Variants in FSTL1 observed in about 807,000 individuals in gnomAD.
The protein encoded by FSTL1 is follistatin-related protein 1.
In FSTL1, 24 loss-of-function variants were observed where a neutral mutation model predicts 45.9. The observed-to-expected ratio is 0.52, with a 90% CI of 0.38 to 0.74. The LOEUF is 0.74. Among genes scored for constraint, FSTL1 ranks in the 30% least tolerant of loss-of-function variants. The probability of loss-of-function intolerance (pLI) is 0.00; values close to 1 mark genes in which losing one functional copy is unlikely to be tolerated. For missense variants in FSTL1, 340 were observed against 381.8 expected (o/e 0.89, Z 0.91); for synonymous variants, 120 against 137.6 (o/e 0.87, Z 0.89).
At position 120,409,781 on chromosome 3, in the gene FSTL1, A is replaced by G. The variant is rs559709818; in HGVS notation, c.332-119T>C. ...TCTGCATATGTCATCCCAGCAACAC[A>G]GGGAGATAGGATTAGCACATCCAGG... On this transcript the variant is annotated intron_variant, in intron 5 of 10. Coordinates refer to ENST00000295633, the MANE Select transcript of FSTL1 (RefSeq NM_007085.5). 11 of 834,242 alleles carry G rather than the reference A, an allele frequency of 1.3e-5. No homozygotes were observed. In the East Asian group the frequency reaches 2.9e-4, roughly 22 times the overall value. 51.7% of individuals were successfully genotyped at this position (834,242 alleles called of 1,614,324 possible).
chr3:120,447,859 C>G (rs1485047068), intron 2 of FSTL1, among the ~76,000 whole-genome samples: 1 of 152,168 alleles, frequency 6.6e-6, no homozygotes, highest in Non-Finnish European at 1.5e-5. Flanking sequence ...CGATGTTGCC[C>G]AGGCTGGTCT....
intron 7 of FSTL1, among the ~76,000 whole-genome samples, chr3:120,403,889 C>G (rs1270153720): frequency 7.1e-6 from 1 of 140,318 alleles, no homozygotes; most frequent in Non-Finnish European, 1.5e-5. Flanking sequence ...CCACTGCACT[C>G]CAGCCTGGGC....
chr3:120,412,042 CACACACACATACATGCACACA>C (rs1937065477), intron 3 of FSTL1, 59 bp from the exon 4 acceptor site: 1 of 710,078 alleles, frequency 1.4e-6, no homozygotes, highest in African/African-American at 1.6e-5. Context: ...CACAGACACA[CACACACACATACATGCACACA>C]CACACACAGA....
chr3:120,398,973 CAAT>C (rs1249972200), intron 10 of FSTL1, among the ~76,000 whole-genome samples: 3 of 152,142 alleles, frequency 2.0e-5, no homozygotes, highest in African/African-American at 4.8e-5. Flanking sequence ...CTATCAGTGA[CAAT>C]GATGACAAAA....
chr3:120,404,765 C>G (rs1178676583), intron 7 of FSTL1, 88 bp downstream of exon 7: 1 of 758,682 alleles, frequency 1.3e-6, no homozygotes, highest in African/African-American at 1.7e-5. Flanking sequence ...TCACTGGTGG[C>G]TCTTTTGCAG....
rs905349804 is a variant in FSTL1 at position 120,394,293 on chromosome 3, T to G, written c.*2659A>C. The G allele has an allele frequency of 6.6e-6, 1 of 152,238 alleles. No homozygotes were observed. Among genetic ancestry groups the G allele is most frequent in the Non-Finnish European group, 1.5e-5 (1 of 68,046 alleles). 9.4% of individuals were successfully genotyped at this position (152,238 alleles called of 1,614,324 possible). A position where few individuals can be genotyped will look rare whatever the true frequency, so the allele number is the denominator to read the frequency against. ...CAATAAAACCATCACTTTAATTTCTTTATTCATCAATAGTATCCGAAAAGG... is the reference window on the plus strand; with the variant it reads ...CAATAAAACCATCACTTTAATTTCTGTATTCATCAATAGTATCCGAAAAGG... On this transcript the variant is annotated 3_prime_UTR_variant, in exon 11 of 11. Transcript: ENST00000295633.
At chr3:120,403,220 C>A in intron 8 of FSTL1, 22 bp downstream of exon 8, 1 of 1,302,704 alleles carries the variant, frequency 7.7e-7, no homozygotes, top group South Asian at 1.2e-5. Context: ...CTACAGCTCT[C>A]TATTTCTTAG....
chr3:120,430,864 A>T (rs1463364295), intron 2 of FSTL1, among the ~76,000 whole-genome samples: 2 of 152,240 alleles, frequency 1.3e-5, no homozygotes, highest in South Asian at 4.1e-4. Context: ...CAATCTAATA[A>T]GAGATAACTC....
chr3:120,441,667 C>T (rs1200586307), intron 2 of FSTL1, among the ~76,000 whole-genome samples: 1 of 151,994 alleles, frequency 6.6e-6, no homozygotes, highest in Non-Finnish European at 1.5e-5. Flanking sequence ...CGTGTGTACA[C>T]ACATGTACAC....
rs112712040 is a variant in FSTL1, at chr3:120,412,056, T to G, written c.169-73A>C. ...ACACAGACACACACACACACATACATGCACACACACACACAGAGCCATTTT... is the reference window on the plus strand; with the variant it reads ...ACACAGACACACACACACACATACAGGCACACACACACACAGAGCCATTTT... On this transcript the variant is annotated intron_variant, in intron 3 of 10. Transcript: ENST00000295633. 4 of 562,322 alleles carry G rather than the reference T, an allele frequency of 7.1e-6. No homozygotes were observed. In the East Asian group the frequency reaches 8.3e-5, roughly 12 times the overall value. The allele number at this position is 562,322 out of a possible 1,614,324, so 34.8% of individuals were successfully genotyped here. A position where few individuals can be genotyped will look rare whatever the true frequency, so the allele number is the denominator to read the frequency against.
intron 3 of FSTL1, among the ~76,000 whole-genome samples, chr3:120,413,905 A>C (rs1355756930): frequency 1.3e-5 from 2 of 150,328 alleles, no homozygotes; most frequent in East Asian, 2.0e-4. Context: ...GATTCTCCTG[A>C]CTCAGCCTGC....
chr3:120,410,188 G>A (rs1324746438), intron 5 of FSTL1: 1 of 161,596 alleles, frequency 6.2e-6, no homozygotes, highest in Admixed American at 5.9e-5. Context: ...GCCAGTGAGG[G>A]CTACGTCGAA....
chr3:120,410,661 T>C (rs1937033510), intron 5 of FSTL1: 3 of 536,590 alleles, frequency 5.6e-6, no homozygotes, highest in Non-Finnish European at 1.1e-5. Context: ...TTATAGGATG[T>C]TGAAAAATGA....
chr3:120,450,990 A>T lies in FSTL1; in HGVS notation c.-94T>A, dbSNP rs1480833266. On this transcript the variant is annotated 5_prime_UTR_variant, in exon 1 of 11. Transcript: ENST00000295633. ...GAGCTCCGCCGATCGCCAGCCTCGG[A>T]GGAAATGCGACCTCCCCTCGCCGCC... The T allele has an allele frequency of 6.5e-6, 3 of 458,756 alleles. No individual in the cohort carries two copies. The highest frequency in any genetic ancestry group is 1.2e-5 in the Non-Finnish European group (3 of 260,572). 28.4% of individuals were successfully genotyped at this position (458,756 alleles called of 1,614,324 possible).
intron 2 of FSTL1, chr3:120,441,438 GA>G (rs1246191120): frequency 6.6e-6 from 1 of 152,226 alleles, no homozygotes; most frequent in East Asian, 1.9e-4. Flanking sequence ...CTTCACAGAA[GA>G]AACACTACAT....
At position 120,417,287 on chromosome 3, in the gene FSTL1, G is replaced by A. The variant is rs574377425; in HGVS notation, c.64-1260C>T. Among the ~76,000 whole-genome samples, 86 of 150,708 alleles carry A rather than the reference G, an allele frequency of 5.7e-4. 1 individual carries two copies. The highest frequency in any genetic ancestry group is 2.1e-3 in the African/African-American group (84 of 40,198). ...GAATGTTTTATACTCAAGATTAGGG[G>A]AAAAAAGCAAAAAGAAAGAAGAGGC... On this transcript the variant is annotated intron_variant, in intron 2 of 10. Transcript: ENST00000295633.
At chr3:120,411,088 TA>T in intron 4 of FSTL1, 104 bp from the exon 5 acceptor site, 2 of 761,346 alleles carry the variant, frequency 2.6e-6, no homozygotes, top group Non-Finnish European at 2.2e-6. Context: ...GGAATGTTTG[TA>T]ACCTTTTCAT....
At chr3:120,428,658 T>C (rs1937425585) in intron 2 of FSTL1, among the ~76,000 whole-genome samples, 1 of 152,120 alleles carries the variant, frequency 6.6e-6, no homozygotes, top group South Asian at 2.1e-4. Flanking sequence ...CGCTTGAACC[T>C]GGAAGGCAGA....
At chr3:120,403,695 C>T (rs531475981) in intron 7 of FSTL1, among the ~76,000 whole-genome samples, 10 of 151,998 alleles carry the variant, frequency 6.6e-5, no homozygotes, top group South Asian at 4.2e-4. Flanking sequence ...GGTATATACA[C>T]GTCAAGTCAA....
Sources: allele counts gnomAD v4.1 joint callset (sites outside exome capture counted in the v4.1 genomes callset), GRCh38; gene constraint gnomAD v4.1.1; transcripts MANE v1.5; gene names NCBI Gene and HGNC (gene_info 2026-07-23, HGNC 2026-07-21).